CPA6: variants seen among roughly 807,000 people sequenced by gnomAD.
CPA6 encodes carboxypeptidase A6, also known as carboxypeptidase B.
CPA6 carries 58 observed loss-of-function variants against 63.3 expected under a neutral mutation model. The ratio of observed to expected loss-of-function variants is 0.92; its 90% CI spans 0.74 to 1.14. The LOEUF is 1.14. Among genes scored for constraint, CPA6 ranks in the 50% most tolerant of loss-of-function variants. The pLI is 0.00. For synonymous variants in CPA6, 185 were observed against 179.0 expected, an observed-to-expected ratio of 1.03 and a Z score of -0.27; for missense variants, 565 against 526.6, an observed-to-expected ratio of 1.07 and a Z score of -0.71.
At chr8:67,730,435 GCTCT>G (rs1354993577) in intron 1 of CPA6, among the ~76,000 whole-genome samples, 1 of 152,202 alleles carries the variant, frequency 6.6e-6, no homozygotes, top group African/African-American at 2.4e-5. Context: ...CAACCTGGAA[GCTCT>G]CTGAATCCTG....
chr8:67,542,099 C>T (rs556519992), intron 2 of CPA6, among the ~76,000 whole-genome samples: 103 of 152,342 alleles, frequency 6.8e-4, no homozygotes, highest in African/African-American at 2.5e-3. Context: ...GTTAAGATTT[C>T]GGCACCTATT....
chr8:67,506,231 C>A (rs1461501323), intron 6 of CPA6, among the ~76,000 whole-genome samples: 2 of 152,144 alleles, frequency 1.3e-5, no homozygotes, highest in Non-Finnish European at 2.9e-5. Context: ...TGAGAAATCA[C>A]CATGAGTCAT....
At chr8:67,483,999 A>G in intron 7 of CPA6, 141 bp from the exon 8 acceptor site, 1 of 694,204 alleles carries the variant, frequency 1.4e-6, no homozygotes, top group Non-Finnish European at 2.5e-6. Flanking sequence ...GGAGTGAAAA[A>G]GAGCACTGGA....
intron 2 of CPA6, among the ~76,000 whole-genome samples, chr8:67,565,348 C>G (rs1813311999): frequency 6.6e-6 from 1 of 152,112 alleles, no homozygotes; most frequent in East Asian, 1.9e-4. Context: ...AAGAAACGTT[C>G]TGTCAGCAGC....
At chr8:67,739,178 C>T (rs938653134) in intron 1 of CPA6, among the ~76,000 whole-genome samples, 1 of 152,138 alleles carries the variant, frequency 6.6e-6, no homozygotes, top group African/African-American at 2.4e-5. Flanking sequence ...GAAGTGCTGA[C>T]CCCCATACAG....
chr8:67,674,442 T>A (rs985403243), intron 1 of CPA6, among the ~76,000 whole-genome samples: 1 of 152,240 alleles, frequency 6.6e-6, no homozygotes, highest in African/African-American at 2.4e-5. Context: ...TATGACTACC[T>A]AAAGTCTTCT....
At chr8:67,702,562 A>G (rs1328250904) in intron 1 of CPA6, among the ~76,000 whole-genome samples, 1 of 152,154 alleles carries the variant, frequency 6.6e-6, no homozygotes, top group East Asian at 1.9e-4. Flanking sequence ...GAAGCTGGTG[A>G]TCAGTAGCTT....
chr8:67,609,937 G>A (rs12678722), intron 2 of CPA6, among the ~76,000 whole-genome samples: 22,252 of 152,186 alleles, frequency 0.15, 2,113 homozygotes, highest in East Asian at 0.42. Context: ...CAGGAGAATC[G>A]CTTGAACCTG....
At chr8:67,483,401 G>A in intron 8 of CPA6, 1 of 295,366 alleles carries the variant, frequency 3.4e-6, no homozygotes, top group Non-Finnish European at 6.5e-6. Context: ...GCCGAATGCA[G>A]CATCAGTGGT....
rs1375553604 is a variant in CPA6, at chr8:67,729,574, A to T, written c.116+16440T>A. 2.0e-5 allele frequency among the ~76,000 whole-genome samples: 3 copies of T among 152,232 alleles called. No individual in the cohort carries two copies. The East Asian group carries it at 5.8e-4, about 29-fold the overall frequency. On this transcript the variant is annotated intron_variant, in intron 1 of 10. Transcript: ENST00000297770. ...AGGAAGAATAAACAATTAAACAATT[A>T]AAGTACAAAATAGTTAGTGCTACTG... is the stretch of plus-strand genomic sequence containing the variant.
At chr8:67,568,254 A>C (rs541800253) in intron 2 of CPA6, among the ~76,000 whole-genome samples, 1 of 152,336 alleles carries the variant, frequency 6.6e-6, no homozygotes, top group East Asian at 1.9e-4. Flanking sequence ...AAGATTTAGG[A>C]AATCATGATA....
intron 8 of CPA6, among the ~76,000 whole-genome samples, chr8:67,457,864 T>C (rs1352281304): frequency 6.6e-6 from 1 of 152,086 alleles, no homozygotes; most frequent in Non-Finnish European, 1.5e-5. Flanking sequence ...GCTCTGTCAT[T>C]CCCTCCCCAT....
intron 1 of CPA6, among the ~76,000 whole-genome samples, chr8:67,649,820 A>G (rs1815796605): frequency 6.6e-6 from 1 of 152,194 alleles, no homozygotes; most frequent in African/African-American, 2.4e-5. Context: ...ACCAAAAAAA[A>G]TGCTTCTTGA....
intron 6 of CPA6, among the ~76,000 whole-genome samples, chr8:67,501,845 C>T (rs766714411): frequency 1.2e-4 from 18 of 152,214 alleles, no homozygotes; most frequent in Middle Eastern, 3.4e-3. Context: ...TGGTAGAATT[C>T]TCCAGTGAAA....
chr8:67,719,960 G>A (rs1817460437), intron 1 of CPA6, among the ~76,000 whole-genome samples: 1 of 152,164 alleles, frequency 6.6e-6, no homozygotes, highest in African/African-American at 2.4e-5. Flanking sequence ...TTGTGGGTAA[G>A]AAGCTTTCAT....
At chr8:67,454,184 G>A (rs1050198838) in intron 8 of CPA6, among the ~76,000 whole-genome samples, 5 of 152,190 alleles carry the variant, frequency 3.3e-5, no homozygotes, top group African/African-American at 7.2e-5. Context: ...CTCTAACATG[G>A]AAATAAATTA....
intron 2 of CPA6, among the ~76,000 whole-genome samples, chr8:67,590,255 T>A (rs1338618840): frequency 6.6e-6 from 1 of 151,214 alleles, no homozygotes; most frequent in South Asian, 2.1e-4. Flanking sequence ...TTCCATGGTG[T>A]ATATGTGCCA....
intron 8 of CPA6, among the ~76,000 whole-genome samples, chr8:67,437,064 G>T (rs1388087295): frequency 6.6e-6 from 1 of 152,156 alleles, no homozygotes; most frequent in Non-Finnish European, 1.5e-5. Flanking sequence ...TGCCTCAGAA[G>T]CAAGTGGGCT....
chr8:67,690,154 T>C (rs1399448475), intron 1 of CPA6, among the ~76,000 whole-genome samples: 1 of 152,204 alleles, frequency 6.6e-6, no homozygotes, highest in African/African-American at 2.4e-5. Flanking sequence ...GCTTCTCATG[T>C]AGAGGAACTG....
Sources: gnomAD v4.1 joint callset for allele counts (sites outside exome capture counted in the v4.1 genomes callset) on GRCh38, gnomAD v4.1.1 for gene constraint, MANE v1.5 for transcripts, NCBI Gene and HGNC (gene_info 2026-07-23, HGNC 2026-07-21) for gene names.